Variants in NTM observed in about 807,000 individuals in gnomAD.
NTM encodes the protein neurotrimin, also known as IgLON family member 2.
In NTM, 13 loss-of-function variants were observed where a neutral mutation model predicts 42.1. The observed-to-expected ratio is 0.31, with a 90% CI of 0.20 to 0.49. The LOEUF (loss-of-function observed/expected upper bound fraction) is 0.49, where lower values mean the gene tolerates loss of function less well. NTM is among the 20% of genes least tolerant of loss of function. NTM has a pLI of 0.99. For synonymous variants in NTM, 187 were observed against 179.2 expected (o/e 1.04, Z -0.35); for missense variants, 373 against 452.8 (o/e 0.82, Z 1.60).
chr11:132,056,559 A>G (rs745740516), intron 2 of NTM, among the ~76,000 whole-genome samples: 6 of 152,248 alleles, frequency 3.9e-5, no homozygotes, highest in Non-Finnish European at 8.8e-5. Context: ...CAATGAATAC[A>G]TGAATGAATA....
intron 1 of NTM, among the ~76,000 whole-genome samples, chr11:131,450,111 G>C (rs181232317): frequency 6.6e-6 from 1 of 152,202 alleles, no homozygotes; most frequent in Admixed American, 6.5e-5. Context: ...GCTTTCTTTT[G>C]TCTCTTAAGT....
chr11:131,901,641 GCTCT>G, intron 1 of NTM, among the ~76,000 whole-genome samples: 1 of 151,728 alleles, frequency 6.6e-6, no homozygotes, highest in Middle Eastern at 3.4e-3. Context: ...GCTTTAAGCA[GCTCT>G]CTGCCTTTGA....
At chr11:131,998,731 A>T (rs551528216) in intron 2 of NTM, among the ~76,000 whole-genome samples, 10 of 152,070 alleles carry the variant, frequency 6.6e-5, no homozygotes, top group Non-Finnish European at 1.0e-4. Flanking sequence ...TTCTTGCCTT[A>T]CCTTCTTTCT....
rs2056701720 is a variant in NTM at position 131,918,218 on chromosome 11, C to CT, written c.167+6571dup. 9.9e-5 allele frequency among the ~76,000 whole-genome samples: 15 copies of CT among 152,266 alleles called. No homozygotes were observed. The South Asian group carries it at 3.1e-3, about 32-fold the overall frequency. Reference sequence around the variant, plus strand: ...ACTTTCCATCCCCAGGCTGTGAGCCCTCACTTGGGGCTATGCATGCTGAAG... The same window carrying CT: ...ACTTTCCATCCCCAGGCTGTGAGCCCTTCACTTGGGGCTATGCATGCTGAAG... On this transcript the variant is annotated intron_variant, in intron 2 of 8. Transcript: ENST00000683400.
intron 1 of NTM, among the ~76,000 whole-genome samples, chr11:131,685,043 C>T (rs928396245): frequency 6.6e-6 from 1 of 152,234 alleles, no homozygotes; most frequent in Non-Finnish European, 1.5e-5. Context: ...GAAGGCTCAA[C>T]CCAAGAATGA....
chr11:131,505,884 T>G (rs549135340), intron 1 of NTM, among the ~76,000 whole-genome samples: 1 of 152,260 alleles, frequency 6.6e-6, no homozygotes, highest in African/African-American at 2.4e-5. Flanking sequence ...TTACTTCACC[T>G]CTCTGGGCCT....
chr11:131,551,062 G>A (rs1359561942), intron 1 of NTM, among the ~76,000 whole-genome samples: 2 of 152,172 alleles, frequency 1.3e-5, no homozygotes, highest in African/African-American at 4.8e-5. Flanking sequence ...GTAGAGAAAT[G>A]ATCTCACTAT....
chr11:131,968,940 G>C (rs1268380780), intron 2 of NTM, among the ~76,000 whole-genome samples: 3 of 152,132 alleles, frequency 2.0e-5, no homozygotes, highest in African/African-American at 7.2e-5. Flanking sequence ...TGGATTATTT[G>C]TCAGTAGGCA....
intron 4 of NTM, among the ~76,000 whole-genome samples, chr11:132,227,491 A>AT (rs1219206352): frequency 6.6e-6 from 1 of 151,722 alleles, no homozygotes; most frequent in African/African-American, 2.4e-5. Context: ...TGAGTTCAGG[A>AT]TTTTTTCCTC....
chr11:131,646,852 GTATTGAT>G (rs927893935), intron 1 of NTM, among the ~76,000 whole-genome samples: 1 of 152,122 alleles, frequency 6.6e-6, no homozygotes, highest in Non-Finnish European at 1.5e-5. Flanking sequence ...CCAGTTTTCA[GTATTGAT>G]TTTTATATTA....
In NTM at chr11:132,120,068, GC is replaced by G. The variant is rs910568113; in HGVS notation, c.168-26208del. On this transcript the variant is annotated intron_variant, in intron 2 of 8. Transcript: ENST00000683400. ...CACGCGAATCAGGACCCCCGTCTGA[GC>G]CCCCCGCTTGCCTTCCCTCCCAGTC... is the stretch of plus-strand genomic sequence containing the variant. 1.1e-3 allele frequency among the ~76,000 whole-genome samples: 169 copies of G among 152,222 alleles called. 1 individual carries two copies. The highest frequency in any genetic ancestry group is 3.9e-3 in the African/African-American group (160 of 41,538).
chr11:131,537,435 GT>G (rs2052448122), intron 1 of NTM: 1 of 152,176 alleles, frequency 6.6e-6, no homozygotes, highest in African/African-American at 2.4e-5. Flanking sequence ...TAAGCAACTT[GT>G]GCGTCCGGGG....
intron 1 of NTM, among the ~76,000 whole-genome samples, chr11:131,425,805 A>T (rs973007451): frequency 1.3e-4 from 19 of 150,238 alleles, no homozygotes; most frequent in Non-Finnish European, 2.2e-4. Context: ...CTGTCCTTTA[A>T]TTTTTTTTTT....
chr11:131,505,970 G>A (rs556042645), intron 1 of NTM, among the ~76,000 whole-genome samples: 24 of 152,116 alleles, frequency 1.6e-4, no homozygotes, highest in South Asian at 2.1e-4. Context: ...CTTTTGTCTC[G>A]TTGGTGATTC....
chr11:132,139,491 CAG>C (rs1566274928), intron 2 of NTM, among the ~76,000 whole-genome samples: 2 of 152,270 alleles, frequency 1.3e-5, no homozygotes, highest in South Asian at 2.1e-4. Context: ...CCAAACTCAA[CAG>C]AGTTTGTTTT....
At chr11:131,596,476 A>G (rs2059819369) in intron 1 of NTM, among the ~76,000 whole-genome samples, 1 of 152,194 alleles carries the variant, frequency 6.6e-6, no homozygotes, top group African/African-American at 2.4e-5. Flanking sequence ...AATCTGGCCC[A>G]AGGCCCATGG....
At chr11:132,326,936 C>T (rs538174595) in intron 7 of NTM, among the ~76,000 whole-genome samples, 4 of 152,296 alleles carry the variant, frequency 2.6e-5, no homozygotes, top group African/African-American at 9.6e-5. Context: ...ACAGAGTACA[C>T]TTGGCTTTAA....
At chr11:132,168,390 G>C (rs1462071011) in intron 3 of NTM, among the ~76,000 whole-genome samples, 3 of 152,130 alleles carry the variant, frequency 2.0e-5, no homozygotes, top group Non-Finnish European at 4.4e-5. Context: ...ACTCTATGAG[G>C]TATCTCATAT....
chr11:132,097,661 AAG>A lies in NTM; in HGVS notation c.168-48620_168-48619del, dbSNP rs201686588. Among the ~76,000 whole-genome samples, 1,085 of 152,332 alleles carry A rather than the reference AAG, an allele frequency of 7.1e-3. 40 individuals are homozygous for A. Among genetic ancestry groups the A allele is most frequent in the Admixed American group, 0.065 (993 of 15,302 alleles). ...TCCTAGGTCAGGCTGGCCTGGGAAA[AAG>A]CTTTCTATTTGAGAATGTCTTGAAC... On this transcript the variant is annotated intron_variant, in intron 2 of 8. Transcript: ENST00000683400.
Sources: gnomAD v4.1 joint callset for allele counts (sites outside exome capture counted in the v4.1 genomes callset) on GRCh38, gnomAD v4.1.1 for gene constraint, MANE v1.5 for transcripts, NCBI Gene and HGNC (gene_info 2026-07-23, HGNC 2026-07-21) for gene names.